Variants in NINL observed in about 807,000 individuals in gnomAD.
NINL encodes the protein ninein like.
Under a neutral mutation model 160.3 loss-of-function variants are expected in NINL, and 153 were observed. The observed-to-expected ratio is 0.95, with a 90% CI of 0.84 to 1.09. The LOEUF (loss-of-function observed/expected upper bound fraction) is 1.09, where lower values mean the gene tolerates loss of function less well. Among genes scored for constraint, NINL ranks in the 50% least tolerant of loss-of-function variants. NINL has a pLI of 0.00. For missense variants in NINL, 1,829 were observed against 1,764.0 expected (o/e 1.04, Z -0.66); for synonymous variants, 800 against 734.8 (o/e 1.09, Z -1.43).
intron 10 of NINL, 37 bp from the exon 11 acceptor site, chr20:25,491,562 T>C (rs1248778086): frequency 1.3e-6 from 2 of 1,596,868 alleles, no homozygotes; most frequent in African/African-American, 1.3e-5. Context: ...AGACATGTCA[T>C]GTCAGGGCTG....
intron 17 of NINL, among the ~76,000 whole-genome samples, chr20:25,472,533 ATTTCT>A: frequency 7.2e-6 from 1 of 138,896 alleles, no homozygotes; most frequent in Admixed American, 7.1e-5. Flanking sequence ...CAGGGAAAAT[ATTTCT>A]TTTTTTTTTT....
intron 1 of NINL, among the ~76,000 whole-genome samples, chr20:25,547,865 C>G (rs996712603): frequency 2.6e-5 from 4 of 152,138 alleles, no homozygotes; most frequent in African/African-American, 9.7e-5. Flanking sequence ...GGAAATAAAC[C>G]GGGGCAACCT....
chr20:25,487,070 G>C (rs2063518235), intron 13 of NINL, among the ~76,000 whole-genome samples: 1 of 152,172 alleles, frequency 6.6e-6, no homozygotes, highest in Non-Finnish European at 1.5e-5. Context: ...GAAAGAATGA[G>C]CTGTAACTAA....
chr20:25,465,169 A>G (rs903463776), intron 19 of NINL, among the ~76,000 whole-genome samples: 1 of 152,228 alleles, frequency 6.6e-6, no homozygotes, highest in East Asian at 1.9e-4. Context: ...CGACCAGAGT[A>G]GCCTACACTC....
chr20:25,525,729 T>TC (rs1416174481), intron 2 of NINL, among the ~76,000 whole-genome samples: 4 of 152,180 alleles, frequency 2.6e-5, no homozygotes, highest in Non-Finnish European at 4.4e-5. Context: ...ACCAACAAGA[T>TC]AAGGCACTGC....
Position 25,476,752 on chromosome 20 carries a change from G to A in NINL, c.2539C>T (p.Leu847=), listed in dbSNP as rs1302067346. The A allele has an allele frequency of 1.9e-6, 3 of 1,609,162 alleles. No individual in the cohort carries two copies. Among genetic ancestry groups the A allele is most frequent in the South Asian group, 2.2e-5 (2 of 91,036 alleles). ...GSGQEGTRGL[L]PLRPGCGERP... ...TCCCCACAGCCCGGACGCAGTGGTAGGAGGCCACGTGTGCCCTCCTGGCCA... is the reference window on the plus strand; with the variant it reads ...TCCCCACAGCCCGGACGCAGTGGTAAGAGGCCACGTGTGCCCTCCTGGCCA... The change falls in exon 17 of 24, where the codon CTA becomes TTA. Residue 847 remains leucine (L), a synonymous_variant. Transcript: ENST00000278886.
rs772336450 is a variant in NINL at position 25,498,410 on chromosome 20, G to C, written c.1033-64C>G. On this transcript the variant is annotated intron_variant, in intron 8 of 23. Coordinates refer to ENST00000278886, the MANE Select transcript of NINL (RefSeq NM_025176.6). The stretch of plus-strand genomic sequence containing the variant: ...GACTTCCCCAAGCAGACACCTCTTT[G>C]CTCCCTCCCTGATCCAGGGCCTAGC... 445 of 1,589,698 alleles carry C rather than the reference G, an allele frequency of 2.8e-4. 4 individuals carry two copies. The highest frequency in any genetic ancestry group is 2.4e-3 in the Middle Eastern group (11 of 4,550).
In NINL at chr20:25,476,831, G is replaced by C. The variant is rs147560385; in HGVS notation, c.2460C>G (p.Pro820=). The C allele has an allele frequency of 1.2e-6, 2 of 1,613,186 alleles. No homozygotes were observed. The highest frequency in any genetic ancestry group is 2.7e-5 in the African/African-American group (2 of 74,920). The change falls in exon 17 of 24, where the codon CCC becomes CCG. Residue 820 remains proline (P), a synonymous_variant. Transcript: ENST00000278886. ...ELARGKRVDG[P]SLEAEMQALP... ...GGGCCTGCATCTCTGCTTCCAGGGA[G>C]GGCCCGTCCACTCGCTTCCCGCGGG...
At chr20:25,545,750 A>C (rs1273996084) in intron 1 of NINL, among the ~76,000 whole-genome samples, 1 of 152,180 alleles carries the variant, frequency 6.6e-6, no homozygotes, top group Non-Finnish European at 1.5e-5. Flanking sequence ...ACTACAAACT[A>C]TATTTCTTTG....
intron 9 of NINL, 60 bp from the exon 10 acceptor site, chr20:25,496,863 C>T: frequency 6.3e-7 from 1 of 1,596,192 alleles, no homozygotes; most frequent in Non-Finnish European, 8.5e-7. Context: ...CCCGCCATGC[C>T]AGGTGGCTCT....
intron 1 of NINL, among the ~76,000 whole-genome samples, chr20:25,555,403 C>A (rs560189431): frequency 6.6e-6 from 1 of 152,262 alleles, no homozygotes; most frequent in African/African-American, 2.4e-5. Context: ...ACACAATATA[C>A]CATGGATAAT....
intron 1 of NINL, among the ~76,000 whole-genome samples, chr20:25,529,274 T>TA (rs1047204209): frequency 1.0e-3 from 153 of 147,986 alleles, no homozygotes; most frequent in African/African-American, 3.1e-3. Context: ...TCTTGTCTCT[T>TA]AAAAAAAAAA....
intron 1 of NINL, among the ~76,000 whole-genome samples, chr20:25,533,184 G>T (rs538784480): frequency 6.6e-6 from 1 of 152,258 alleles, no homozygotes; most frequent in African/African-American, 2.4e-5. Context: ...CTGAAGATGG[G>T]GCTTAGAATT....
chr20:25,491,314 C>T (rs774865622), intron 11 of NINL, 37 bp downstream of exon 11: 5 of 1,572,828 alleles, frequency 3.2e-6, no homozygotes, highest in Middle Eastern at 1.8e-4. Flanking sequence ...GCTCAGGCAC[C>T]CCCCCAGCTT....
intron 1 of NINL, among the ~76,000 whole-genome samples, chr20:25,571,047 ATAAG>A (rs1475264631): frequency 6.6e-6 from 1 of 152,060 alleles, no homozygotes; most frequent in Non-Finnish European, 1.5e-5. Flanking sequence ...TGACTGCTCT[ATAAG>A]TAGGTGTTGT....
intron 2 of NINL, 85 bp from the exon 3 acceptor site, chr20:25,517,934 G>A (rs996355381): frequency 2.7e-6 from 2 of 751,964 alleles, no homozygotes; most frequent in East Asian, 2.9e-5. Flanking sequence ...TTTTCTCTCA[G>A]ATAGAAATAT....
rs554828080 is a variant in NINL, at chr20:25,491,703, C to G, written c.1311-178G>C. ...GGCAAATCTGAGGGTGGGTGCTCCT[C>G]CCTCACAGGCTGCTGGAGGTGACCC... On this transcript the variant is annotated intron_variant, in intron 10 of 23. Coordinates refer to ENST00000278886, the MANE Select transcript of NINL (RefSeq NM_025176.6). 3.3e-4 allele frequency among the ~76,000 whole-genome samples: 50 copies of G among 152,346 alleles called. No individual in the cohort carries two copies. In the South Asian group the frequency reaches 3.7e-3, roughly 11 times the overall value.
chr20:25,557,617 T>C (rs940399395), intron 1 of NINL, among the ~76,000 whole-genome samples: 5 of 151,878 alleles, frequency 3.3e-5, no homozygotes, highest in Non-Finnish European at 5.9e-5. Flanking sequence ...AACACAAAGA[T>C]ATATCATAAA....
chr20:25,552,143 G>A (rs2147098917), intron 1 of NINL, among the ~76,000 whole-genome samples: 1 of 152,310 alleles, frequency 6.6e-6, no homozygotes, highest in South Asian at 2.1e-4. Context: ...AGTTGGCGGG[G>A]TGGGGATGGG....
Sources: allele counts gnomAD v4.1 joint callset (sites outside exome capture counted in the v4.1 genomes callset), GRCh38; gene constraint gnomAD v4.1.1; transcripts MANE v1.5; gene names NCBI Gene and HGNC (gene_info 2026-07-23, HGNC 2026-07-21).